Variants in CCDC88C observed in about 807,000 individuals in gnomAD.
CCDC88C encodes coiled-coil and HOOK domain protein 88C.
A neutral mutation model predicts 198.8 loss-of-function variants in CCDC88C; 131 were observed. That is an observed-to-expected ratio of 0.66 (90% CI 0.57 to 0.76). The LOEUF (loss-of-function observed/expected upper bound fraction) is 0.76. CCDC88C is among the 30% of genes least tolerant of loss of function. CCDC88C has a pLI of 0.00. For synonymous variants in CCDC88C, 1,166 were observed against 1,114.7 expected, an observed-to-expected ratio of 1.05 and a Z score of -0.92; for missense variants, 2,553 against 2,631.6, an observed-to-expected ratio of 0.97 and a Z score of 0.65.
chr14:91,348,172 A>AT (rs1195701615), intron 4 of CCDC88C, among the ~76,000 whole-genome samples: 3 of 151,856 alleles, frequency 2.0e-5, no homozygotes, highest in Non-Finnish European at 4.4e-5. Flanking sequence ...TGCCCAGCCA[A>AT]TTTTTGTATT....
chr14:91,396,999 C>A (rs1885884310), intron 3 of CCDC88C, among the ~76,000 whole-genome samples: 1 of 151,774 alleles, frequency 6.6e-6, no homozygotes, highest in South Asian at 2.1e-4. Context: ...CAGAGCAAGA[C>A]CCTGTCACCA....
intron 26 of CCDC88C, among the ~76,000 whole-genome samples, chr14:91,281,785 G>A (rs1030943476): frequency 6.6e-6 from 1 of 152,124 alleles, no homozygotes; most frequent in African/African-American, 2.4e-5. Flanking sequence ...GTGGACCAAA[G>A]GCGTGTTCTG....
intron 2 of CCDC88C, among the ~76,000 whole-genome samples, chr14:91,413,668 T>C (rs1886899225): frequency 6.6e-6 from 1 of 152,164 alleles, no homozygotes; most frequent in Admixed American, 6.5e-5. Flanking sequence ...AAGCTGAACC[T>C]GTGGGGCTTC....
rs1893153195 is a variant in CCDC88C, at chr14:91,338,459, A to G, written c.891+30T>C. The G allele has an allele frequency of 6.5e-7, 1 of 1,543,118 alleles. No homozygotes were observed. The highest frequency in any genetic ancestry group is 1.4e-5 in the African/African-American group (1 of 72,984). ...TGGACACTCCAGCCCTGCTACCCCC[A>G]GGACACACAGGCTCAGGCCCCCGAC... On this transcript the variant is annotated intron_variant, in intron 9 of 29. Transcript: ENST00000389857. This position sits in a 1 kb window ranked among gnomAD's most constrained non-coding sequence, Gnocchi z 4.8.
chr14:91,300,126 T>G (rs1055336748), intron 20 of CCDC88C, 56 bp from the exon 21 acceptor site: 3 of 1,572,120 alleles, frequency 1.9e-6, no homozygotes, highest in Non-Finnish European at 1.7e-6. Flanking sequence ...TTCCGACAGG[T>G]AACTCACATC....
intron 29 of CCDC88C, among the ~76,000 whole-genome samples, chr14:91,275,571 G>A (rs1025606380): frequency 4.6e-5 from 7 of 151,656 alleles, no homozygotes; most frequent in East Asian, 3.9e-4. Flanking sequence ...TGAGCCTCTC[G>A]GGTTCAAGAG....
intron 23 of CCDC88C, among the ~76,000 whole-genome samples, chr14:91,292,946 C>A (rs551874773): frequency 6.6e-6 from 1 of 151,968 alleles, no homozygotes; most frequent in East Asian, 1.9e-4. Flanking sequence ...CACAGCTGAG[C>A]GCCCACCTCC....
At chr14:91,358,924 G>C (rs1203010640) in intron 4 of CCDC88C, among the ~76,000 whole-genome samples, 1 of 152,154 alleles carries the variant, frequency 6.6e-6, no homozygotes, top group Admixed American at 6.5e-5. Context: ...CCGTCACCGA[G>C]CATGAACCTC....
chr14:91,328,108 C>T (rs568814381), intron 10 of CCDC88C, among the ~76,000 whole-genome samples: 1 of 152,304 alleles, frequency 6.6e-6, no homozygotes, highest in African/African-American at 2.4e-5. Flanking sequence ...CAAATCATGC[C>T]ACAAGGAGGG....
At chr14:91,361,651 A>T (rs1715784187) in intron 3 of CCDC88C, among the ~76,000 whole-genome samples, 1 of 152,200 alleles carries the variant, frequency 6.6e-6, no homozygotes, top group Non-Finnish European at 1.5e-5. Flanking sequence ...AGCAACGGCT[A>T]ATGCTTTCTC....
rs1435506640 is a variant in CCDC88C at position 91,305,929 on chromosome 14, A to T, written c.3196-3T>A. The T allele has an allele frequency of 1.2e-6, 2 of 1,612,470 alleles. No individual in the cohort carries two copies. ...TTCTCAGCCTGCAGAGCTGCATTCT[A>T]GAAGATCGGGAGGCATGAGCGAATC... is the stretch of plus-strand genomic sequence containing the variant. On this transcript the variant is annotated splice_polypyrimidine_tract_variant and splice_region_variant and intron_variant, in intron 18 of 29. Coordinates refer to ENST00000389857, the MANE Select transcript of CCDC88C (RefSeq NM_001080414.4).
Position 91,396,342 on chromosome 14 carries a change from C to T in CCDC88C, c.270+12317G>A, listed in dbSNP as rs755980594. ...AGAAACCTCTGTTTTTTCTTTTTAA[C>T]GACTTGAGAAATCCATTTCTCTCCT... is the stretch of plus-strand genomic sequence containing the variant. On this transcript the variant is annotated intron_variant, in intron 3 of 29. Coordinates refer to ENST00000389857, the MANE Select transcript of CCDC88C (RefSeq NM_001080414.4). Among the ~76,000 whole-genome samples, 5 of 152,308 alleles carry T rather than the reference C, an allele frequency of 3.3e-5. No individual in the cohort carries two copies. In the East Asian group the frequency reaches 7.7e-4, roughly 23 times the overall value.
At position 91,383,317 on chromosome 14, in the gene CCDC88C, C is replaced by T. The variant is rs547246108; in HGVS notation, c.271-23606G>A. Among the ~76,000 whole-genome samples the T allele has an allele frequency of 2.9e-3, 443 of 152,340 alleles. 2 individuals carry two copies. Among genetic ancestry groups the T allele is most frequent in the Non-Finnish European group, 4.5e-3 (307 of 68,034 alleles). On this transcript the variant is annotated intron_variant, in intron 3 of 29. Coordinates refer to ENST00000389857, the MANE Select transcript of CCDC88C (RefSeq NM_001080414.4). The stretch of plus-strand genomic sequence containing the variant: ...CCAAAGCCCAGGCTGGCCATGCTGC[C>T]GTGGGGGGCCCAGCCAGGAATCTCA...
chr14:91,309,821 G>A (rs1891735642), intron 16 of CCDC88C, 38 bp downstream of exon 16: 2 of 1,586,694 alleles, frequency 1.3e-6, no homozygotes, highest in Non-Finnish European at 1.7e-6. Context: ...AGTGGAGGAA[G>A]TGCTCCCACG....
At chr14:91,309,719 T>C in intron 16 of CCDC88C, 140 bp downstream of exon 16, 1 of 729,524 alleles carries the variant, frequency 1.4e-6, no homozygotes, top group Non-Finnish European at 2.0e-6. Flanking sequence ...ACCAAGGAAC[T>C]TTGGGTTCAA....
At chr14:91,316,119 C>T (rs1251398097) in intron 13 of CCDC88C, among the ~76,000 whole-genome samples, 1 of 152,228 alleles carries the variant, frequency 6.6e-6, no homozygotes, top group Admixed American at 6.5e-5. Context: ...CTTCCTGCCT[C>T]AGTTGGTGAT....
In CCDC88C at chr14:91,338,214, A is replaced by G. The variant is rs192834516; in HGVS notation, c.892-51T>C. 1,675 of 1,595,150 alleles carry G rather than the reference A, an allele frequency of 1.1e-3. 2 individuals are homozygous for G. Among genetic ancestry groups the G allele is most frequent in the Middle Eastern group, 5.3e-3 (32 of 5,988 alleles). On this transcript the variant is annotated intron_variant, in intron 9 of 29. Transcript: ENST00000389857. This position sits in a 1 kb window ranked among gnomAD's most constrained non-coding sequence, Gnocchi z 4.8. ...ACCTAGCTTAGGGCATCCTCTAGGA[A>G]GGGCAGAAAGGCCATTGCCCTTCTG...
intron 3 of CCDC88C, chr14:91,384,249 C>G: frequency 5.6e-6 from 2 of 354,986 alleles, no homozygotes; most frequent in South Asian, 4.4e-5. Context: ...CCAGCCTGAT[C>G]AACATAGCGA....
intron 3 of CCDC88C, 72 bp from the exon 4 acceptor site, chr14:91,359,783 C>G: frequency 7.2e-7 from 1 of 1,390,788 alleles, no homozygotes; most frequent in Non-Finnish European, 1.0e-6. Context: ...AAGTAAATTA[C>G]AAGTAATGAA....
Sources: allele counts gnomAD v4.1 joint callset (sites outside exome capture counted in the v4.1 genomes callset), GRCh38; gene constraint gnomAD v4.1.1; non-coding constraint Gnocchi (gnomAD v3.1); transcripts MANE v1.5; gene names NCBI Gene and HGNC (gene_info 2026-07-23, HGNC 2026-07-21).